GALNT13: variants seen among roughly 807,000 people sequenced by gnomAD.
GALNT13 encodes the protein polypeptide N-acetylgalactosaminyltransferase 13.
A neutral mutation model predicts 64.2 loss-of-function variants in GALNT13; 28 were observed. The observed-to-expected ratio is 0.44, with a 90% CI of 0.32 to 0.60. The LOEUF is 0.60. GALNT13 is among the 20% of genes least tolerant of loss of function. The pLI is 0.05. For synonymous variants in GALNT13, 214 were observed against 224.6 expected (o/e 0.95, Z 0.42); for missense variants, 577 against 669.8 (o/e 0.86, Z 1.53).
chr2:153,700,260 T>C, the GALNT13 span, among the ~76,000 whole-genome samples: 1 of 152,176 alleles, frequency 6.6e-6, no homozygotes, highest in African/African-American at 2.4e-5. Flanking sequence ...ATTATCTCAA[T>C]AGATGCAGAA....
At chr2:153,657,525 ACTACATGACTTG>A in the GALNT13 span, among the ~76,000 whole-genome samples, 3 of 152,124 alleles carry the variant, frequency 2.0e-5, no homozygotes, top group South Asian at 6.2e-4. Context: ...ACAAAGAAAG[ACTACATGACTTG>A]CTAAGGTAAA....
At position 153,944,585 on chromosome 2, in the gene GALNT13, G is replaced by T; in HGVS notation, c.88G>T (p.Glu30Ter). 6.2e-7 allele frequency: 1 copy of T among 1,613,590 alleles called. No homozygotes were observed. Among genetic ancestry groups the T allele is most frequent in the Non-Finnish European group, 8.5e-7 (1 of 1,179,668 alleles). Reference protein sequence around the residue: ...VDVFLLLYFSECNKCDDKKER... With the variant: ...VDVFLLLYFS ...TGTCTTCTTACTGCTGTACTTCAGT[G>T]AATGTAACAAATGTGATGACAAGAA... The change falls in exon 3 of 13, where the codon GAA (glutamate) becomes TAA (stop). Residue 30 changes from glutamate (E) to a stop codon, truncating the protein, a stop_gained. Coordinates refer to ENST00000392825, the MANE Select transcript of GALNT13 (RefSeq NM_052917.4). LOFTEE classifies it high-confidence loss of function.
intron 4 of GALNT13, among the ~76,000 whole-genome samples, chr2:154,151,915 A>G (rs1684055135): frequency 6.6e-6 from 1 of 152,188 alleles, no homozygotes; most frequent in South Asian, 2.1e-4. Flanking sequence ...TAATTGGAGC[A>G]TTTAGCCCAT....
intron 3 of GALNT13, among the ~76,000 whole-genome samples, chr2:154,129,897 G>A (rs575585217): frequency 1.3e-5 from 2 of 152,048 alleles, no homozygotes; most frequent in Admixed American, 6.5e-5. Context: ...ACCAGCTGGC[G>A]AACCTGTTAG....
the GALNT13 span, among the ~76,000 whole-genome samples, chr2:153,087,445 G>A: frequency 3.7e-3 from 559 of 152,052 alleles, 1 homozygote; most frequent in Admixed American, 0.01. Flanking sequence ...TTTTCTTTTT[G>A]TGTTATATTC....
At position 153,952,553 on chromosome 2, in the gene GALNT13, T is replaced by G. The variant is rs1692267805; in HGVS notation, c.142+7914T>G. ...AAGACACAATGGGAAAGGATCTGCT[T>G]AGAAACTCCGGAGGTTTCTTATCAT... On this transcript the variant is annotated intron_variant, in intron 3 of 12. Coordinates refer to ENST00000392825, the MANE Select transcript of GALNT13 (RefSeq NM_052917.4). 2.6e-5 allele frequency among the ~76,000 whole-genome samples: 4 copies of G among 152,138 alleles called. No homozygotes were observed. In the South Asian group the frequency reaches 8.3e-4, roughly 32 times the overall value.
intron 3 of GALNT13, among the ~76,000 whole-genome samples, chr2:153,963,425 T>C (rs2105100308): frequency 6.6e-6 from 1 of 152,312 alleles, no homozygotes; most frequent in South Asian, 2.1e-4. Context: ...TTCACAACTC[T>C]TGGGAAAATA....
rs569186354 is a variant in GALNT13 at position 154,239,120 on chromosome 2, A to C, written c.312-2910A>C. On this transcript the variant is annotated intron_variant, in intron 4 of 12. Transcript: ENST00000392825. ...AGCTACATTAACAGTAAACTAATTC[A>C]TTATAATTTTGACACATAAAATGAA... Among the ~76,000 whole-genome samples the C allele has an allele frequency of 1.3e-4, 20 of 152,272 alleles. 1 individual carries two copies. The highest frequency in any genetic ancestry group is 5.9e-4 in the Admixed American group (9 of 15,288).
At chr2:153,418,591 C>G in the GALNT13 span, among the ~76,000 whole-genome samples, 1 of 152,078 alleles carries the variant, frequency 6.6e-6, no homozygotes, top group African/African-American at 2.4e-5. Flanking sequence ...AAGATAAAGC[C>G]TGAGAAATGA....
intron 4 of GALNT13, among the ~76,000 whole-genome samples, chr2:154,233,113 C>G (rs1459596049): frequency 6.7e-6 from 1 of 150,052 alleles, no homozygotes; most frequent in Non-Finnish European, 1.5e-5. Context: ...TAAGGATTAT[C>G]TTTTCTGTTA....
chr2:153,204,090 G>C, the GALNT13 span, among the ~76,000 whole-genome samples: 1 of 152,128 alleles, frequency 6.6e-6, no homozygotes, highest in African/African-American at 2.4e-5. Context: ...TTCCTGTTTC[G>C]ATACTCCCTA....
the GALNT13 span, among the ~76,000 whole-genome samples, chr2:153,132,685 C>T: frequency 6.6e-6 from 1 of 152,110 alleles, no homozygotes; most frequent in Non-Finnish European, 1.5e-5. Flanking sequence ...AGACATTTCT[C>T]ACAATGTTAT....
At chr2:153,299,969 G>A in the GALNT13 span, among the ~76,000 whole-genome samples, 1 of 152,154 alleles carries the variant, frequency 6.6e-6, no homozygotes, top group African/African-American at 2.4e-5. Context: ...TACAGCCACA[G>A]TTGCCACCGG....
the GALNT13 span, among the ~76,000 whole-genome samples, chr2:153,125,523 G>T: frequency 6.6e-6 from 1 of 152,188 alleles, no homozygotes; most frequent in Admixed American, 6.5e-5. Context: ...AGGACTAAAT[G>T]TTCTTAGTTT....
the GALNT13 span, among the ~76,000 whole-genome samples, chr2:153,194,053 C>T: frequency 6.6e-6 from 1 of 152,072 alleles, no homozygotes; most frequent in African/African-American, 2.4e-5. Flanking sequence ...GATAGTTTGA[C>T]TATAATATGC....
the GALNT13 span, among the ~76,000 whole-genome samples, chr2:153,603,040 G>T: frequency 6.6e-6 from 1 of 151,922 alleles, no homozygotes; most frequent in African/African-American, 2.4e-5. Context: ...ATAGTGTTGT[G>T]TTGTAGTCCT....
chr2:153,565,986 A>C, the GALNT13 span, among the ~76,000 whole-genome samples: 2 of 152,202 alleles, frequency 1.3e-5, no homozygotes, highest in Non-Finnish European at 2.9e-5. Flanking sequence ...TGTTCTACTG[A>C]ACGCTTTTGA....
chr2:153,891,936 A>T (rs937460981), intron 1 of GALNT13, among the ~76,000 whole-genome samples: 12 of 151,972 alleles, frequency 7.9e-5, no homozygotes, highest in Non-Finnish European at 1.6e-4. Context: ...GAAGTCCATG[A>T]TTGTTTCTTT....
intron 3 of GALNT13, among the ~76,000 whole-genome samples, chr2:154,072,432 TG>T (rs1397547430): frequency 1.3e-5 from 2 of 152,128 alleles, no homozygotes; most frequent in East Asian, 1.9e-4. Context: ...GCTTATAGTT[TG>T]TTTTTTTATG....
Sources: gnomAD v4.1 joint callset for allele counts (sites outside exome capture counted in the v4.1 genomes callset) on GRCh38, gnomAD v4.1.1 for gene constraint, MANE v1.5 for transcripts, NCBI Gene and HGNC (gene_info 2026-07-23, HGNC 2026-07-21) for gene names.